The following MAOA variants were observed in gnomAD, a reference collection of about 807,000 sequenced individuals.
MAOA encodes monoamine oxidase A.
MAOA carries 6 observed loss-of-function variants against 42.0 expected under a neutral mutation model. The ratio of observed to expected loss-of-function variants is 0.14; its 90% CI spans 0.08 to 0.28. The LOEUF is 0.28. Among genes scored for constraint, MAOA ranks in the 10% least tolerant of loss-of-function variants. The probability of loss-of-function intolerance (pLI) is 1.00; values close to 1 mark genes in which losing one functional copy is unlikely to be tolerated. For synonymous variants in MAOA, 140 were observed against 154.0 expected, an observed-to-expected ratio of 0.91 and a Z score of 0.67; for missense variants, 262 against 422.3, an observed-to-expected ratio of 0.62 and a Z score of 3.33.
rs957404616 is a variant in MAOA at position 43,659,540 on chromosome X, G to A, written c.73+3126G>A. Among the ~76,000 whole-genome samples the A allele has an allele frequency of 3.6e-5, 4 of 110,822 alleles. No individual in the cohort carries two copies. In the Admixed American group the frequency reaches 3.9e-4, roughly 11 times the overall value. On this transcript the variant is annotated intron_variant, in intron 1 of 14. Transcript: ENST00000338702. ...AAGGTTTCACTGTTCATCACTTTGG[G>A]GCTCTTGGTACTCTCTCCCTCTCTT...
At chrX:43,702,448 A>G (rs189121851) in intron 3 of MAOA, among the ~76,000 whole-genome samples, 21 of 112,297 alleles carry the variant, frequency 1.9e-4, no homozygotes, top group South Asian at 1.8e-3. Context: ...AGAGCTTCAA[A>G]CTGAAAAGAG....
intron 1 of MAOA, among the ~76,000 whole-genome samples, chrX:43,671,658 TATG>T (rs1254636592): frequency 9.9e-6 from 1 of 101,234 alleles, no homozygotes; most frequent in African/African-American, 3.6e-5. Context: ...GCTTTCTACA[TATG>T]GCTAGCCAGT....
intron 1 of MAOA, among the ~76,000 whole-genome samples, chrX:43,667,163 A>T (rs1012915952): frequency 1.8e-5 from 2 of 111,158 alleles, no homozygotes; most frequent in African/African-American, 6.5e-5. Context: ...CTCTGCTTTA[A>T]TGTCACCTCT....
In MAOA at chrX:43,693,382, A is replaced by G. The variant is rs747229681; in HGVS notation, c.260A>G (p.Glu87Gly). 9 of 1,210,932 alleles carry G rather than the reference A, an allele frequency of 7.4e-6. No homozygotes were observed. Among genetic ancestry groups the G allele is most frequent in the Middle Eastern group, 2.3e-4 (1 of 4,354 alleles). Residue 87 changes from glutamate to glycine, a missense_variant, in exon 3 of 15, where the codon GAG (glutamate) becomes GGG (glycine). Transcript: ENST00000338702. Reference protein sequence around the residue: ...ILRLSKELGIETYKVNVSERL... With the variant: ...ILRLSKELGIGTYKVNVSERL... The stretch of plus-strand genomic sequence containing the variant: ...CGCTTGTCTAAGGAGCTGGGCATAG[A>G]GACTTACAAAGTGAATGTCAGTGAG...
intron 1 of MAOA, among the ~76,000 whole-genome samples, chrX:43,676,254 C>T (rs975425143): frequency 3.0e-4 from 34 of 112,005 alleles, no homozygotes; most frequent in Admixed American, 8.5e-4. Flanking sequence ...GAGCCAGGTG[C>T]GGGATTTAAT....
Position 43,744,677 on chromosome X carries a change from A to T in MAOA, c.*164A>T. 1 of 534,511 alleles carries T rather than the reference A, an allele frequency of 1.9e-6. No homozygotes were observed. The highest frequency in any genetic ancestry group is 3.1e-6 in the Non-Finnish European group (1 of 321,691). The allele number at this position is 534,511 out of a possible 1,213,427, so 44.0% of individuals were successfully genotyped here. ...TAAAGTAAAAACAATTCAAAGAATC[A>T]CCTAATTAATTTCAGTAAGATCAAG... is the stretch of plus-strand genomic sequence containing the variant. On this transcript the variant is annotated 3_prime_UTR_variant, in exon 15 of 15. Transcript: ENST00000338702.
Position 43,688,430 on chromosome X carries a change from G to A in MAOA, c.168+4823G>A, listed in dbSNP as rs761550036. On this transcript the variant is annotated intron_variant, in intron 2 of 14. Coordinates refer to ENST00000338702, the MANE Select transcript of MAOA (RefSeq NM_000240.4). ...TGAGTAGCTGGGATTACAGGCTCAC[G>A]CCACCATGCCCGGCTCATTTTTGTA... is the stretch of plus-strand genomic sequence containing the variant. 1.8e-3 allele frequency among the ~76,000 whole-genome samples: 197 copies of A among 111,817 alleles called. 1 individual carries two copies. The highest frequency in any genetic ancestry group is 3.3e-3 in the Non-Finnish European group (174 of 53,140).
chrX:43,671,771 C>A (rs2033338394), intron 1 of MAOA, among the ~76,000 whole-genome samples: 1 of 100,581 alleles, frequency 9.9e-6, no homozygotes, highest in Non-Finnish European at 2.0e-5. Context: ...GGCATTATTT[C>A]TGAGGGCTCT....
At position 43,731,703 on chromosome X, in the gene MAOA, G is replaced by A. The variant is rs150176511; in HGVS notation, c.805G>A (p.Val269Ile). ...CTTGTGTGTGTTTTAGTGCAAATAC[G>A]TAATTAATGCGATCCCTCCGACCTT... is the stretch of plus-strand genomic sequence containing the variant. ...LNHEHYECKYVINAIPPTLTA... is the reference protein window; with the variant it reads ...LNHEHYECKYIINAIPPTLTA... The change falls in exon 8 of 15, where the codon GTA becomes ATA. Residue 269 changes from valine to isoleucine, a missense_variant. Val to Ile is a conservative substitution (Grantham distance 29). Transcript: ENST00000338702. 46 of 1,209,050 alleles carry A rather than the reference G, an allele frequency of 3.8e-5. No individual in the cohort carries two copies. Among genetic ancestry groups the A allele is most frequent in the African/African-American group, 3.7e-4 (21 of 57,036 alleles).
chrX:43,714,254 G>A (rs1465874049), intron 5 of MAOA, among the ~76,000 whole-genome samples: 2 of 111,312 alleles, frequency 1.8e-5, no homozygotes, highest in African/African-American at 6.5e-5. Flanking sequence ...CTGGAAGGGT[G>A]GATGGCATTG....
chrX:43,674,436 G>T (rs1212174103), intron 1 of MAOA, among the ~76,000 whole-genome samples: 1 of 110,654 alleles, frequency 9.0e-6, no homozygotes, highest in African/African-American at 3.3e-5. Flanking sequence ...GGAGCATTTA[G>T]TCCATTTACA....
At chrX:43,718,170 C>T (rs182312521) in intron 5 of MAOA, among the ~76,000 whole-genome samples, 2 of 104,961 alleles carry the variant, frequency 1.9e-5, no homozygotes, top group African/African-American at 6.9e-5. Context: ...TTCACAGAGG[C>T]AGGGGGTGGC....
Position 43,740,745 on chromosome X carries a change from A to C in MAOA, c.1164+7A>C. On this transcript the variant is annotated splice_region_variant and intron_variant, in intron 11 of 14. Coordinates refer to ENST00000338702, the MANE Select transcript of MAOA (RefSeq NM_000240.4). ...ATCCCAAGAAGCTTTACATGTAAGA[A>C]ACTCCCAGCTTTAATCCCTAGCAGG... The C allele has an allele frequency of 8.4e-7, 1 of 1,195,204 alleles. No individual in the cohort carries two copies. The highest frequency in any genetic ancestry group is 1.1e-6 in the Non-Finnish European group (1 of 884,366).
At chrX:43,712,080 C>A in intron 4 of MAOA, 104 bp downstream of exon 4, 1 of 630,131 alleles carries the variant, frequency 1.6e-6, no homozygotes, top group Non-Finnish European at 2.6e-6. Flanking sequence ...GACACCAATG[C>A]ATATCATTTC....
intron 10 of MAOA, among the ~76,000 whole-genome samples, chrX:43,740,351 A>G (rs763201125): frequency 8.9e-6 from 1 of 112,196 alleles, no homozygotes; most frequent in East Asian, 2.8e-4. Context: ...AGTTCCTAAG[A>G]CTGGCTAAAC....
intron 1 of MAOA, among the ~76,000 whole-genome samples, chrX:43,672,629 A>T (rs2033347816): frequency 9.0e-6 from 1 of 111,630 alleles, no homozygotes; most frequent in South Asian, 3.7e-4. Flanking sequence ...TCAATACCTA[A>T]TTTATTGAGA....
chrX:43,715,422 G>A (rs1348583432), intron 5 of MAOA, among the ~76,000 whole-genome samples: 2 of 110,862 alleles, frequency 1.8e-5, no homozygotes, highest in East Asian at 2.9e-4. Flanking sequence ...CTTGTTTGCA[G>A]GCATGGTTCT....
At chrX:43,700,443 CTGTA>C (rs1230642556) in intron 3 of MAOA, among the ~76,000 whole-genome samples, 2 of 112,024 alleles carry the variant, frequency 1.8e-5, no homozygotes, top group African/African-American at 6.5e-5. Flanking sequence ...TTCATGGGAG[CTGTA>C]TGTGACACAG....
At chrX:43,698,568 T>C (rs769693965) in intron 3 of MAOA, among the ~76,000 whole-genome samples, 1 of 112,473 alleles carries the variant, frequency 8.9e-6, no homozygotes, top group Admixed American at 9.4e-5. Context: ...TACCAGATAT[T>C]GTTCCAAGCT....
Sources: allele counts gnomAD v4.1 joint callset (sites outside exome capture counted in the v4.1 genomes callset), GRCh38; gene constraint gnomAD v4.1.1; transcripts MANE v1.5; gene names NCBI Gene and HGNC (gene_info 2026-07-23, HGNC 2026-07-21).